The following TBL1XR1 variants were observed in gnomAD, a reference collection of about 807,000 sequenced individuals.
The protein encoded by TBL1XR1 is TBL1X/Y related 1.
A neutral mutation model predicts 66.9 loss-of-function variants in TBL1XR1; 5 were observed. The observed-to-expected ratio is 0.07, with a 90% confidence interval of 0.04 to 0.16. The LOEUF is 0.16. Among genes scored for constraint, TBL1XR1 ranks in the 10% least tolerant of loss-of-function variants. The pLI is 1.00. For missense variants in TBL1XR1, 238 were observed against 623.2 expected, an observed-to-expected ratio of 0.38 and a Z score of 6.58; for synonymous variants, 210 against 206.0, an observed-to-expected ratio of 1.02 and a Z score of -0.17.
chr3:177,069,694 G>A (rs1423236413), intron 2 of TBL1XR1, among the ~76,000 whole-genome samples: 1 of 151,474 alleles, frequency 6.6e-6, no homozygotes, highest in African/African-American at 2.4e-5. Flanking sequence ...AGCCGAGATC[G>A]CACCACTGCA....
upstream of TBL1XR1, among the ~76,000 whole-genome samples, chr3:177,198,236 T>C (rs1194423284): frequency 6.6e-6 from 1 of 152,052 alleles, no homozygotes; most frequent in African/African-American, 2.4e-5. Context: ...CAAGAAAAGG[T>C]TTTTGATACT....
chr3:177,134,824 C>T (rs912925072), intron 1 of TBL1XR1, among the ~76,000 whole-genome samples: 3 of 151,968 alleles, frequency 2.0e-5, no homozygotes, highest in Non-Finnish European at 4.4e-5. Context: ...TCTCTAAAAG[C>T]AAGAATAAAG....
At chr3:177,139,065 T>C (rs1271261060) in intron 1 of TBL1XR1, among the ~76,000 whole-genome samples, 1 of 152,054 alleles carries the variant, frequency 6.6e-6, no homozygotes, top group South Asian at 2.1e-4. Context: ...CAAAACCTAA[T>C]AGTATAAAAG....
intron 1 of TBL1XR1, among the ~76,000 whole-genome samples, chr3:177,151,523 A>G (rs1377796335): frequency 6.6e-6 from 1 of 152,124 alleles, no homozygotes; most frequent in Admixed American, 6.6e-5. Flanking sequence ...GAATCTAACT[A>G]ATGCCTGATG....
At chr3:177,158,224 CTTTTCTTT>C (rs1560241349) in intron 1 of TBL1XR1, among the ~76,000 whole-genome samples, 18 of 139,668 alleles carry the variant, frequency 1.3e-4, no homozygotes, top group Non-Finnish European at 1.7e-4. Context: ...GGATTTGTTT[CTTTTCTTT>C]TTTTTTTTTT....
At chr3:177,113,247 G>C (rs1007502434) in intron 1 of TBL1XR1, among the ~76,000 whole-genome samples, 23 of 152,134 alleles carry the variant, frequency 1.5e-4, no homozygotes, top group African/African-American at 5.5e-4. Context: ...TTAAGCATAA[G>C]ACTCAAAACT....
chr3:177,150,319 T>C (rs1380670565), intron 1 of TBL1XR1, among the ~76,000 whole-genome samples: 4 of 152,126 alleles, frequency 2.6e-5, no homozygotes, highest in Non-Finnish European at 5.9e-5. Context: ...GTCAAAGAAG[T>C]TGATATTTGA....
intron 2 of TBL1XR1, among the ~76,000 whole-genome samples, chr3:177,065,866 A>G (rs1363250437): frequency 1.3e-5 from 2 of 152,238 alleles, no homozygotes. Context: ...CTGTGTTCCA[A>G]TAAACTCAAC....
intron 1 of TBL1XR1, among the ~76,000 whole-genome samples, chr3:177,191,879 G>A (rs529848425): frequency 2.8e-5 from 4 of 141,758 alleles, no homozygotes; most frequent in Admixed American, 1.4e-4. Flanking sequence ...CGAGACGGGC[G>A]GTCAGGAGTT....
intron 1 of TBL1XR1, among the ~76,000 whole-genome samples, chr3:177,157,441 G>T (rs924966446): frequency 6.6e-6 from 1 of 152,120 alleles, no homozygotes; most frequent in Non-Finnish European, 1.5e-5. Context: ...TTGCTGGCAT[G>T]ATTTAGTATA....
At chr3:177,157,762 A>G (rs189582370) in intron 1 of TBL1XR1, among the ~76,000 whole-genome samples, 198 of 152,318 alleles carry the variant, frequency 1.3e-3, no homozygotes, top group Non-Finnish European at 2.8e-4. Flanking sequence ...AAAGCAAATT[A>G]GCCGTTTCCT....
In TBL1XR1 at chr3:177,070,598, T is replaced by C. The variant is rs150586993; in HGVS notation, c.-45-5576A>G. ...GTGCGGTGGCTCACATCTGTAATCC[T>C]AGCACTTTGGGGGGCCGAGGCGGGT... On this transcript the variant is annotated intron_variant, in intron 2 of 15. Coordinates refer to ENST00000457928, the MANE Select transcript of TBL1XR1 (RefSeq NM_024665.7). Among the ~76,000 whole-genome samples, 563 of 152,194 alleles carry C rather than the reference T, an allele frequency of 3.7e-3. 4 individuals are homozygous for C. Among genetic ancestry groups the C allele is most frequent in the African/African-American group, 0.013 (520 of 41,542 alleles).
Position 177,033,113 on chromosome 3 carries a change from C to A in TBL1XR1, c.1274G>T (p.Arg425Met). The change falls in exon 14 of 16, where the codon AGG (arginine) becomes ATG (methionine). Residue 425 changes from arginine to methionine, a missense_variant. Arg to Met is a moderately conservative substitution (Grantham distance 91). This residue lies in a region of TBL1XR1 where 89 missense variants were observed against 220.2 expected (regional missense o/e 0.40). Coordinates refer to ENST00000457928, the MANE Select transcript of TBL1XR1 (RefSeq NM_024665.7). Reference sequence around the variant, plus strand: ...TATCCCTCGGTCTACATCCCATAACCTAACAGTAGAATCAAAGGATGCACT... The same window carrying A: ...TATCCCTCGGTCTACATCCCATAACATAACAGTAGAATCAAAGGATGCACT... ...LASASFDSTV[R>M]LWDVDRGICI... 1 of 1,560,870 alleles carries A rather than the reference C, an allele frequency of 6.4e-7. No individual in the cohort carries two copies. Among genetic ancestry groups the A allele is most frequent in the Non-Finnish European group, 8.7e-7 (1 of 1,152,864 alleles).
chr3:177,094,361 T>TA (rs1723197309), intron 2 of TBL1XR1, among the ~76,000 whole-genome samples: 1 of 152,182 alleles, frequency 6.6e-6, no homozygotes, highest in Admixed American at 6.5e-5. Flanking sequence ...AGGGAACACT[T>TA]ACACTGCTGG....
intron 1 of TBL1XR1, among the ~76,000 whole-genome samples, chr3:177,183,573 C>T (rs540909777): frequency 1.9e-4 from 29 of 151,876 alleles, no homozygotes; most frequent in South Asian, 8.3e-4. Context: ...TGCAGTGGTG[C>T]GATTTTGGCT....
intron 14 of TBL1XR1, among the ~76,000 whole-genome samples, chr3:177,030,308 T>C (rs1479770254): frequency 2.0e-5 from 3 of 151,682 alleles, no homozygotes; most frequent in African/African-American, 4.8e-5. Context: ...TTAATGAATA[T>C]ATTAATATAT....
chr3:177,098,671 A>C, intron 1 of TBL1XR1, 130 bp from the exon 2 acceptor site: 1 of 333,850 alleles, frequency 3.0e-6, no homozygotes, highest in Non-Finnish European at 4.3e-6. Flanking sequence ...TTCTCCCCCA[A>C]GTAATTGTTA....
chr3:177,072,742 CT>C (rs1720194911), intron 2 of TBL1XR1, among the ~76,000 whole-genome samples: 1 of 152,174 alleles, frequency 6.6e-6, no homozygotes, highest in South Asian at 2.1e-4. Flanking sequence ...GTTATTCAGA[CT>C]GGGGATTTGG....
intron 1 of TBL1XR1, among the ~76,000 whole-genome samples, chr3:177,178,139 G>A (rs1389251443): frequency 6.6e-6 from 1 of 152,200 alleles, no homozygotes; most frequent in Non-Finnish European, 1.5e-5. Context: ...TGGAATGGCT[G>A]GGCACGGTGA....
Sources: gnomAD v4.1 joint callset for allele counts (sites outside exome capture counted in the v4.1 genomes callset) on GRCh38, gnomAD v4.1.1 for gene constraint, gnomAD v4.1.1 regional missense constraint, MANE v1.5 for transcripts, NCBI Gene and HGNC (gene_info 2026-07-23, HGNC 2026-07-21) for gene names.